The following OR52L1 variants were observed in gnomAD, a reference collection of about 807,000 sequenced individuals.
OR52L1 encodes the protein olfactory receptor family 52 subfamily L member 1.
OR52L1 carries 15 observed loss-of-function variants against 16.1 expected under a neutral mutation model. The ratio of observed to expected loss-of-function variants is 0.93; its 90% CI spans 0.62 to 1.44. OR52L1 has a LOEUF of 1.44. Among genes scored for constraint, OR52L1 ranks in the 40% most tolerant of loss-of-function variants. The pLI, the probability that OR52L1 is intolerant of heterozygous loss-of-function variation, is 0.00. For missense variants in OR52L1, 406 were observed against 402.3 expected, an observed-to-expected ratio of 1.01 and a Z score of -0.08; for synonymous variants, 166 against 159.2, an observed-to-expected ratio of 1.04 and a Z score of -0.32.
chr11:5,986,691 G>A lies in OR52L1; in HGVS notation c.240C>T (p.Phe80=), dbSNP rs1342544150. ...GGTCGATGGCAGCTAGCATGGACAG[G>A]AAGAGGTACATAGATTGGTGCAAGG... The part of the protein sequence containing the change: ...DPSLHQSMYL[F]LSMLAAIDLV... The change falls in exon 1 of 1, where the codon TTC becomes TTT. Residue 80 remains phenylalanine (F), a synonymous_variant. Coordinates refer to ENST00000332249, the MANE Select transcript of OR52L1 (RefSeq NM_001005173.3). 1.2e-6 allele frequency: 2 copies of A among 1,613,984 alleles called. No homozygotes were observed. The highest frequency in any genetic ancestry group is 1.7e-6 in the Non-Finnish European group (2 of 1,179,872).
chr11:5,986,757 C>T lies in OR52L1; in HGVS notation c.174G>A (p.Val58=). ...TGATGAAGAGAATGGTAACATTGCC[C>T]ACTAAAGCAAGGAGGTAAAGGATGC... is the stretch of plus-strand genomic sequence containing the variant. ...PLGILYLLAL[V]GNVTILFIIW... is the part of the protein sequence containing the mutation. Residue 58 remains valine, a synonymous_variant, in exon 1 of 1, where the codon GTG becomes GTA. Coordinates refer to ENST00000332249, the MANE Select transcript of OR52L1 (RefSeq NM_001005173.3). The T allele has an allele frequency of 6.2e-7, 1 of 1,613,972 alleles. No individual in the cohort carries two copies. Among genetic ancestry groups the T allele is most frequent in the African/African-American group, 1.3e-5 (1 of 75,042 alleles).
In OR52L1 at chr11:5,986,325, A is replaced by G; in HGVS notation, c.606T>C (p.Val202=). 1.2e-6 allele frequency: 2 copies of G among 1,614,034 alleles called. No individual in the cohort carries two copies. Among genetic ancestry groups the G allele is most frequent in the Non-Finnish European group, 8.5e-7 (1 of 1,179,872 alleles). Residue 202 remains valine, a synonymous_variant, in exon 1 of 1, where the codon GTT becomes GTC. Transcript: ENST00000332249. ...IGHAYCEHMA[V]VKLACSETTV... is the part of the protein sequence containing the mutation. ...TGGTTTCTGAGCAGGCAAGTTTCAC[A>G]ACAGCCATATGTTCACAATAGGCAT...
At position 5,986,090 on chromosome 11, in the gene OR52L1, G is replaced by A. The variant is rs367627735; in HGVS notation, c.841C>T (p.Arg281Cys). Reference protein sequence around the residue: ...VPGIFSFLTHRFGHHVPHHVH... With the variant: ...VPGIFSFLTHCFGHHVPHHVH... ...TGATGGGGTACATGATGACCAAAGC[G>A]GTGAGTGAGGAAGGAGAAAATTCCA... is the stretch of plus-strand genomic sequence containing the variant. The change falls in exon 1 of 1, where the codon CGC (arginine) becomes TGC (cysteine). Residue 281 changes from arginine to cysteine, a missense_variant. Arg to Cys is a radical substitution (Grantham distance 180). Coordinates refer to ENST00000332249, the MANE Select transcript of OR52L1 (RefSeq NM_001005173.3). The A allele has an allele frequency of 3.7e-5, 60 of 1,613,840 alleles. No individual in the cohort carries two copies. The highest frequency in any genetic ancestry group is 1.3e-4 in the African/African-American group (10 of 74,928).
At position 5,986,943 on chromosome 11, in the gene OR52L1, C is replaced by T. The variant is rs1848124284; in HGVS notation, c.-13G>A. The T allele has an allele frequency of 6.2e-7, 1 of 1,608,864 alleles. No homozygotes were observed. ...AAACCAAAGTCATGATTTCTGCATT[C>T]CTGCTACATTATCACATTGTCCAAA... On this transcript the variant is annotated 5_prime_UTR_variant, in exon 1 of 1. Transcript: ENST00000332249.
In OR52L1 at chr11:5,986,682, C is replaced by G; in HGVS notation, c.249G>C (p.Met83Ile). ...CCAGAACCAGGTCGATGGCAGCTAG[C>G]ATGGACAGGAAGAGGTACATAGATT... Reference protein sequence around the residue: ...LHQSMYLFLSMLAAIDLVLAS... With the variant: ...LHQSMYLFLSILAAIDLVLAS... The change falls in exon 1 of 1, where the codon ATG becomes ATC. Residue 83 changes from methionine (M) to isoleucine (I), a missense_variant. Coordinates refer to ENST00000332249, the MANE Select transcript of OR52L1 (RefSeq NM_001005173.3). 3.1e-6 allele frequency: 5 copies of G among 1,613,940 alleles called. No homozygotes were observed. Among genetic ancestry groups the G allele is most frequent in the Non-Finnish European group, 4.2e-6 (5 of 1,179,874 alleles).
Position 5,986,787 on chromosome 11 carries a change from G to A in OR52L1, c.144C>T (p.Pro48=), listed in dbSNP as rs747254756. The part of the protein sequence containing the change: ...LEESQHWIAL[P]LGILYLLALV... ...AAGCAAGGAGGTAAAGGATGCCCAG[G>A]GGCAGTGCAATCCAGTGCTGGCTTT... The change falls in exon 1 of 1, where the codon CCC becomes CCT. Residue 48 remains proline (P), a synonymous_variant. Transcript: ENST00000332249. 3.7e-6 allele frequency: 6 copies of A among 1,613,914 alleles called. No homozygotes were observed. The South Asian group carries it at 6.6e-5, about 18-fold the overall frequency.
Sources: gnomAD v4.1 joint callset for allele counts on GRCh38, gnomAD v4.1.1 for gene constraint, MANE v1.5 for transcripts, NCBI Gene and HGNC (gene_info 2026-07-23, HGNC 2026-07-21) for gene names.